EPB41L2: variants seen among roughly 807,000 people sequenced by gnomAD.
EPB41L2 encodes band 4.1-like protein 2.
In EPB41L2, 43 loss-of-function variants were observed where a neutral mutation model predicts 113.0. That is an observed-to-expected ratio of 0.38 (90% CI 0.30 to 0.49). The LOEUF (loss-of-function observed/expected upper bound fraction) is 0.49, where lower values mean the gene tolerates loss of function less well. EPB41L2 is among the 20% of genes least tolerant of loss of function. The pLI, the probability that EPB41L2 is intolerant of heterozygous loss-of-function variation, is 0.95. For missense variants in EPB41L2, 1,147 were observed against 1,223.4 expected, an observed-to-expected ratio of 0.94 and a Z score of 0.93; for synonymous variants, 442 against 436.7, an observed-to-expected ratio of 1.01 and a Z score of -0.15.
intron 5 of EPB41L2, among the ~76,000 whole-genome samples, chr6:130,904,914 C>G (rs931919684): frequency 3.2e-5 from 3 of 92,424 alleles, no homozygotes; most frequent in African/African-American, 1.2e-4. Context: ...ATATTCTCCA[C>G]CCTTTTTTTT....
chr6:130,966,252 CA>C (rs990504748), intron 1 of EPB41L2, among the ~76,000 whole-genome samples: 22 of 152,282 alleles, frequency 1.4e-4, no homozygotes, highest in African/African-American at 5.3e-4. Flanking sequence ...TGTCCATCAA[CA>C]GGGGGTCTTA....
At chr6:130,995,617 A>G (rs1015120348) in intron 1 of EPB41L2, among the ~76,000 whole-genome samples, 2 of 152,232 alleles carry the variant, frequency 1.3e-5, no homozygotes, top group African/African-American at 4.8e-5. Context: ...CCTTGGCAAA[A>G]CAAGCTTTCT....
rs186297184 is a variant in EPB41L2 at position 130,959,014 on chromosome 6, G to A, written c.-14-2515C>T. On this transcript the variant is annotated intron_variant, in intron 1 of 19. Transcript: ENST00000337057. ...CTGGTTGATCCAGACCTGAGAAGAC[G>A]ATGGTCTATATATACTACAGCAGAA... is the stretch of plus-strand genomic sequence containing the variant. Among the ~76,000 whole-genome samples, 7 of 152,284 alleles carry A rather than the reference G, an allele frequency of 4.6e-5. No individual in the cohort carries two copies. In the East Asian group the frequency reaches 1.2e-3, roughly 25 times the overall value.
At chr6:130,999,286 T>C (rs1010512827) in intron 1 of EPB41L2, among the ~76,000 whole-genome samples, 2 of 152,168 alleles carry the variant, frequency 1.3e-5, no homozygotes, top group African/African-American at 4.8e-5. Flanking sequence ...CTTATTTCTG[T>C]ATGCACCACA....
At chr6:130,971,846 TATATC>T (rs1257375150) in intron 1 of EPB41L2, among the ~76,000 whole-genome samples, 1 of 152,196 alleles carries the variant, frequency 6.6e-6, no homozygotes, top group Non-Finnish European at 1.5e-5. Context: ...AAACTGCAAA[TATATC>T]ATCCATATTT....
intron 1 of EPB41L2, among the ~76,000 whole-genome samples, chr6:130,972,161 TAAAAATAC>T (rs1229878506): frequency 6.6e-6 from 1 of 151,810 alleles, no homozygotes; most frequent in African/African-American, 2.4e-5. Flanking sequence ...CCATTTCTAC[TAAAAATAC>T]AAAAATTGGC....
At chr6:130,905,422 CTT>C (rs11389706) in intron 5 of EPB41L2, among the ~76,000 whole-genome samples, 2 of 144,404 alleles carry the variant, frequency 1.4e-5, no homozygotes, top group African/African-American at 2.5e-5. Context: ...TATGTTATTC[CTT>C]TTTTTTTTTT....
intron 19 of EPB41L2, among the ~76,000 whole-genome samples, chr6:130,848,199 T>TCTCTCACACACACA (rs376078462): frequency 1.8e-5 from 2 of 113,408 alleles, no homozygotes; most frequent in Non-Finnish European, 1.7e-5. Context: ...TCTCTCTCTC[T>TCTCTCACACACACA]CACACACACA....
intron 1 of EPB41L2, among the ~76,000 whole-genome samples, chr6:131,001,262 G>A (rs376726472): frequency 6.6e-6 from 1 of 152,084 alleles, no homozygotes; most frequent in African/African-American, 2.4e-5. Context: ...TGAGGGACAG[G>A]GAGAGCTCCA....
chr6:130,894,946 A>T (rs773864171), intron 9 of EPB41L2, 21 bp downstream of exon 9: 3 of 1,606,104 alleles, frequency 1.9e-6, no homozygotes, highest in Admixed American at 1.7e-5. Flanking sequence ...ACAACAACTG[A>T]TTAGAAATGT....
In EPB41L2 at chr6:130,895,099, G is replaced by T. The variant is rs1458676171; in HGVS notation, c.1257C>A (p.Ile419=). 6.2e-7 allele frequency: 1 copy of T among 1,611,710 alleles called. No homozygotes were observed. Among genetic ancestry groups the T allele is most frequent in the South Asian group, 1.1e-5 (1 of 90,676 alleles). ...GTCCATTAGCACACACGCCCAGCTT[G>T]ATGTCCACACCTTCTGAGTCCTGCC... ...HHAKDSEGVD[I]KLGVCANGLL... Residue 419 remains isoleucine (I), a synonymous_variant, in exon 9 of 20, where the codon ATC becomes ATA. Transcript: ENST00000337057.
Position 130,904,486 on chromosome 6 carries a change from T to C in EPB41L2, c.908A>G (p.Gln303Arg). 6.2e-7 allele frequency: 1 copy of C among 1,604,534 alleles called. No homozygotes were observed. Among genetic ancestry groups the C allele is most frequent in the Non-Finnish European group, 8.5e-7 (1 of 1,173,334 alleles). ...NVKFYPPDPS[Q>R]LTEDITRYFL... ...GTACCTGGTGATATCTTCAGTCAAT[T>C]GAGAAGGATCAGGAGGATAAAACTT... Residue 303 changes from glutamine to arginine, a missense_variant, in exon 6 of 20, where the codon CAA becomes CGA. Transcript: ENST00000337057.
intron 1 of EPB41L2, among the ~76,000 whole-genome samples, chr6:130,974,097 T>C (rs1029091666): frequency 1.3e-5 from 2 of 152,174 alleles, no homozygotes; most frequent in East Asian, 3.9e-4. Flanking sequence ...AAAATTCCTA[T>C]GTTAAATCTA....
chr6:130,848,193 TCTCTCTCACA>T (rs1425752125), intron 19 of EPB41L2, among the ~76,000 whole-genome samples: 12 of 111,672 alleles, frequency 1.1e-4, no homozygotes, highest in African/African-American at 3.3e-4. Flanking sequence ...TCTCTCTCTC[TCTCTCTCACA>T]CACACACACA....
intron 1 of EPB41L2, among the ~76,000 whole-genome samples, chr6:130,999,936 T>C (rs1784009112): frequency 6.6e-6 from 1 of 152,212 alleles, no homozygotes; most frequent in South Asian, 2.1e-4. Flanking sequence ...CTCATTTGCA[T>C]AAACATGTTA....
intron 1 of EPB41L2, among the ~76,000 whole-genome samples, chr6:130,990,660 A>G (rs991124330): frequency 1.3e-5 from 2 of 152,168 alleles, no homozygotes; most frequent in Non-Finnish European, 2.9e-5. Flanking sequence ...AGATAACCCT[A>G]AACAGCAAAA....
chr6:130,921,221 T>C (rs1425692210), intron 4 of EPB41L2, among the ~76,000 whole-genome samples: 1 of 152,150 alleles, frequency 6.6e-6, no homozygotes, highest in Non-Finnish European at 1.5e-5. Flanking sequence ...ATCATCTCGC[T>C]CCACACCATC....
Position 130,860,021 on chromosome 6 carries a change from A to G in EPB41L2, c.2911-1778T>C, listed in dbSNP as rs533665463. On this transcript the variant is annotated intron_variant, in intron 18 of 19. Coordinates refer to ENST00000337057, the MANE Select transcript of EPB41L2 (RefSeq NM_001431.4). The stretch of plus-strand genomic sequence containing the variant: ...CCAGGGAAGGGCAGAGAAGCTTTTC[A>G]ACGTGTTGACTGGAATGGGAATAGG... Among the ~76,000 whole-genome samples, 46 of 152,334 alleles carry G rather than the reference A, an allele frequency of 3.0e-4. 1 individual carries two copies. Among genetic ancestry groups the G allele is most frequent in the African/African-American group, 1.1e-3 (46 of 41,572 alleles).
At chr6:131,023,116 C>A (rs1789890330) in intron 1 of EPB41L2, among the ~76,000 whole-genome samples, 1 of 152,118 alleles carries the variant, frequency 6.6e-6, no homozygotes, top group Non-Finnish European at 1.5e-5. Context: ...AAGTTTTACA[C>A]AATTTTACAT....
Sources: allele counts gnomAD v4.1 joint callset (sites outside exome capture counted in the v4.1 genomes callset), GRCh38; gene constraint gnomAD v4.1.1; transcripts MANE v1.5; gene names NCBI Gene and HGNC (gene_info 2026-07-23, HGNC 2026-07-21).